PTS: variants seen among roughly 807,000 people sequenced by gnomAD.
PTS encodes 6-pyruvoyl tetrahydrobiopterin synthase.
PTS carries 23 observed loss-of-function variants against 20.6 expected under a neutral mutation model. That is an observed-to-expected ratio of 1.12 (90% CI 0.80 to 1.58). The LOEUF (loss-of-function observed/expected upper bound fraction) is 1.58. PTS is among the 40% of genes most tolerant of loss of function. The pLI, the probability that PTS is intolerant of heterozygous loss-of-function variation, is 0.00. For synonymous variants in PTS, 65 were observed against 62.5 expected (o/e 1.04, Z -0.19); for missense variants, 186 against 182.4 (o/e 1.02, Z -0.11).
At position 112,233,150 on chromosome 11, in the gene PTS, G is replaced by A. The variant is rs374541778; in HGVS notation, c.244-13G>A. The stretch of plus-strand genomic sequence containing the variant: ...ATGGAGTCAATGATATTTTCCCTTG[G>A]TTTTGTCTCTAGGAGGCGATTATGC... On this transcript the variant is annotated splice_polypyrimidine_tract_variant and intron_variant, in intron 4 of 5. Coordinates refer to ENST00000280362, the MANE Select transcript of PTS (RefSeq NM_000317.3). 1.2e-6 allele frequency: 2 copies of A among 1,610,704 alleles called. No homozygotes were observed. The highest frequency in any genetic ancestry group is 1.7e-6 in the Non-Finnish European group (2 of 1,177,048).
chr11:112,227,126 G>A (rs1859875556), intron 1 of PTS, among the ~76,000 whole-genome samples: 1 of 151,178 alleles, frequency 6.6e-6, no homozygotes, highest in African/African-American at 2.4e-5. Context: ...TTTGAATCCC[G>A]ATCATACATA....
intron 2 of PTS, 200 bp from the exon 3 acceptor site, chr11:112,230,008 T>G: frequency 9.7e-6 from 6 of 615,690 alleles, no homozygotes; most frequent in East Asian, 5.6e-5. Flanking sequence ...TTTGTCTCGA[T>G]TGTGTCTTGC....
rs1228819151 is a variant in PTS at position 112,233,684 on chromosome 11, T to C, written c.*129T>C. 3 of 1,380,262 alleles carry C rather than the reference T, an allele frequency of 2.2e-6. No individual in the cohort carries two copies. In the Admixed American group the frequency reaches 7.2e-5, roughly 33 times the overall value. The allele number at this position is 1,380,262 out of a possible 1,614,324, so 85.5% of individuals were successfully genotyped here. On this transcript the variant is annotated 3_prime_UTR_variant, in exon 6 of 6. Coordinates refer to ENST00000280362, the MANE Select transcript of PTS (RefSeq NM_000317.3). ...CACATTGTGCTCTGGAGTGCCTATT[T>C]ATTGAAATCATTGTAAGACCTGTTA...
intron 4 of PTS, among the ~76,000 whole-genome samples, chr11:112,231,617 T>C (rs1403373592): frequency 6.6e-6 from 1 of 152,192 alleles, no homozygotes; most frequent in Non-Finnish European, 1.5e-5. Flanking sequence ...TACTTATTCA[T>C]ATATTCAACA....
intron 2 of PTS, 36 bp from the exon 3 acceptor site, chr11:112,230,172 A>G: frequency 1.3e-6 from 2 of 1,598,590 alleles, no homozygotes; most frequent in South Asian, 1.1e-5. Flanking sequence ...GTTGAAAGTC[A>G]TGCTGTTTTT....
rs1296243343 is a variant in PTS, at chr11:112,233,577, A to G, written c.*22A>G. Reference sequence around the variant, plus strand: ...ATAGCTATTGGGGTTAGCATTGCACAAAGCCCAGTTTCTTTCTGTGTTTGA... The same window carrying G: ...ATAGCTATTGGGGTTAGCATTGCACGAAGCCCAGTTTCTTTCTGTGTTTGA... On this transcript the variant is annotated 3_prime_UTR_variant, in exon 6 of 6. Coordinates refer to ENST00000280362, the MANE Select transcript of PTS (RefSeq NM_000317.3). The G allele has an allele frequency of 2.5e-6, 4 of 1,612,878 alleles. No homozygotes were observed. The highest frequency in any genetic ancestry group is 2.5e-6 in the Non-Finnish European group (3 of 1,179,550).
intron 1 of PTS, 88 bp from the exon 2 acceptor site, chr11:112,228,506 C>T: frequency 8.9e-7 from 1 of 1,125,004 alleles, no homozygotes; most frequent in Non-Finnish European, 1.3e-6. Flanking sequence ...TTTCAAAGAT[C>T]AGTACAAATA....
At position 112,228,579 on chromosome 11, in the gene PTS, T is replaced by G. The variant is rs1184354830; in HGVS notation, c.84-15T>G. The G allele has an allele frequency of 1.3e-6, 2 of 1,553,698 alleles. No individual in the cohort carries two copies. The highest frequency in any genetic ancestry group is 1.7e-6 in the Non-Finnish European group (2 of 1,156,498). On this transcript the variant is annotated splice_polypyrimidine_tract_variant and intron_variant, in intron 1 of 5. Transcript: ENST00000280362. ...TACTTGTGTCATGCTGACTTTTTTTTTTTTTTTTGGTCAGTAAATTTCTAA... is the reference window on the plus strand; with the variant it reads ...TACTTGTGTCATGCTGACTTTTTTTGTTTTTTTTGGTCAGTAAATTTCTAA...
In PTS at chr11:112,226,474, C is replaced by G. The variant is rs1859865727; in HGVS notation, c.31C>G (p.Gln11Glu). ...CACGGAAGGTGGTGGCCGTCGCTGC[C>G]AGGCACAAGTGTCCCGCCGCATCTC... The part of the protein sequence containing the change: MSTEGGGRRC[Q>E]AQVSRRISFS... The change falls in exon 1 of 6, where the codon CAG becomes GAG. Residue 11 changes from glutamine to glutamate, a missense_variant. Physicochemically the swap from Gln to Glu is conservative, Grantham distance 29. Transcript: ENST00000280362. 1.3e-6 allele frequency: 2 copies of G among 1,582,080 alleles called. No homozygotes were observed. Among genetic ancestry groups the G allele is most frequent in the Admixed American group, 1.9e-5 (1 of 53,012 alleles).
At position 112,233,240 on chromosome 11, in the gene PTS, G is replaced by C; in HGVS notation, c.314+7G>C. 1 of 1,611,788 alleles carries C rather than the reference G, an allele frequency of 6.2e-7. No individual in the cohort carries two copies. The highest frequency in any genetic ancestry group is 8.5e-7 in the Non-Finnish European group (1 of 1,177,914). ...ACTTTGCAGATGTGGTGAGGTGGGT[G>C]GCACTGTATCTTGCCTTATGTGGAT... On this transcript the variant is annotated splice_region_variant and intron_variant, in intron 5 of 5. Transcript: ENST00000280362.
chr11:112,226,652 G>A (rs966242447), intron 1 of PTS, 126 bp downstream of exon 1: 5 of 645,280 alleles, frequency 7.7e-6, no homozygotes, highest in Admixed American at 4.6e-5. Context: ...GGGGCGACGC[G>A]CGCTGGTCGG....
intron 1 of PTS, among the ~76,000 whole-genome samples, chr11:112,226,896 A>T (rs948376112): frequency 1.3e-5 from 2 of 150,808 alleles, no homozygotes; most frequent in African/African-American, 4.9e-5. Flanking sequence ...AAACTCGCCT[A>T]TGTTACACAG....
At position 112,227,261 on chromosome 11, in the gene PTS, T is replaced by A. The variant is rs531482359; in HGVS notation, c.83+735T>A. Reference sequence around the variant, plus strand: ...GACCATCGCTATCTAACAGGATTCATCCCTCCATTCGCTAAACCAGGTTTT... The same window carrying A: ...GACCATCGCTATCTAACAGGATTCAACCCTCCATTCGCTAAACCAGGTTTT... On this transcript the variant is annotated intron_variant, in intron 1 of 5. Transcript: ENST00000280362. Among the ~76,000 whole-genome samples, 10 of 152,158 alleles carry A rather than the reference T, an allele frequency of 6.6e-5. No individual in the cohort carries two copies. The South Asian group carries it at 2.1e-3, about 32-fold the overall frequency.
chr11:112,229,985 C>A, intron 2 of PTS: 1 of 591,118 alleles, frequency 1.7e-6, no homozygotes. Context: ...AGCCAACATT[C>A]CTACTAAGCT....
chr11:112,227,948 C>T (rs1372485233), intron 1 of PTS, among the ~76,000 whole-genome samples: 2 of 152,118 alleles, frequency 1.3e-5, no homozygotes, highest in African/African-American at 2.4e-5. Flanking sequence ...ATAGACGATG[C>T]GAAATTGAAT....
At position 112,233,477 on chromosome 11, in the gene PTS, A is replaced by T. The variant is rs1859970916; in HGVS notation, c.360A>T (p.Lys120Asn). 1.9e-6 allele frequency: 3 copies of T among 1,613,562 alleles called. No individual in the cohort carries two copies. The highest frequency in any genetic ancestry group is 2.5e-6 in the Non-Finnish European group (3 of 1,179,872). The change falls in exon 6 of 6, where the codon AAA becomes AAT. Residue 120 changes from lysine to asparagine, a missense_variant. By Grantham distance (94) the Lys-to-Asn change is moderately conservative. Transcript: ENST00000280362. ...VAVYIWDNLQ[K>N]VLPVGVLYKV... Reference sequence around the variant, plus strand: ...TTTATATCTGGGACAACCTCCAGAAAGTTCTTCCTGTAGGAGTTCTTTATA... The same window carrying T: ...TTTATATCTGGGACAACCTCCAGAATGTTCTTCCTGTAGGAGTTCTTTATA...
chr11:112,228,676 GAGAGAAAAAC>G lies in PTS; in HGVS notation c.163+4_163+13del. The stretch of plus-strand genomic sequence containing the variant: ...TGGCCATGGGCACAATTATAAAGGT[GAGAGAAAAAC>G]TGATGACATTTCAGCCCTTCAATAA... On this transcript the variant is annotated splice_donor_5th_base_variant and intron_variant, in intron 2 of 5. Transcript: ENST00000280362. 6.2e-7 allele frequency: 1 copy of G among 1,609,826 alleles called. No individual in the cohort carries two copies. Among genetic ancestry groups the G allele is most frequent in the Non-Finnish European group, 8.5e-7 (1 of 1,176,902 alleles).
At chr11:112,227,566 G>A (rs532916954) in intron 1 of PTS, among the ~76,000 whole-genome samples, 4 of 152,130 alleles carry the variant, frequency 2.6e-5, no homozygotes, top group Non-Finnish European at 5.9e-5. Flanking sequence ...ATCTGCTTCT[G>A]TTGAGGCCTC....
chr11:112,233,382 T>C, intron 5 of PTS, 50 bp from the exon 6 acceptor site: 2 of 1,554,182 alleles, frequency 1.3e-6, no homozygotes, highest in African/African-American at 2.8e-5. Context: ...ACATGAAATT[T>C]TATTGTTTGC....
Sources: allele counts gnomAD v4.1 joint callset (sites outside exome capture counted in the v4.1 genomes callset), GRCh38; gene constraint gnomAD v4.1.1; transcripts MANE v1.5; gene names NCBI Gene and HGNC (gene_info 2026-07-23, HGNC 2026-07-21).